The following AUTS2 variants were observed in gnomAD, a reference collection of about 807,000 sequenced individuals.
AUTS2 encodes activator of transcription and developmental regulator AUTS2, also known as autism susceptibility gene 2 protein.
AUTS2 carries 17 observed loss-of-function variants against 112.4 expected under a neutral mutation model. The observed-to-expected ratio is 0.15, with a 90% CI of 0.10 to 0.23. The LOEUF is 0.23. Among genes scored for constraint, AUTS2 ranks in the 10% least tolerant of loss-of-function variants. AUTS2 has a pLI of 1.00. For synonymous variants in AUTS2, 751 were observed against 702.7 expected, an observed-to-expected ratio of 1.07 and a Z score of -1.09; for missense variants, 1,510 against 1,701.6, an observed-to-expected ratio of 0.89 and a Z score of 1.98.
Position 69,886,763 on chromosome 7 carries a change from T to TTGTGTGTGTG in AUTS2, c.310-12485_310-12476dup, listed in dbSNP as rs3220664. Reference sequence around the variant, plus strand: ...GCCTGTTAATGCAGATTTGACTTCTTTGTGTGTGTGTGTGTGTGTGTGTGT... The same window carrying TTGTGTGTGTG: ...GCCTGTTAATGCAGATTTGACTTCTTTGTGTGTGTGTGTGTGTGTGTGTGTGTGTGTGTGT... On this transcript the variant is annotated intron_variant, in intron 1 of 18. Coordinates refer to ENST00000342771, the MANE Select transcript of AUTS2 (RefSeq NM_015570.4). Among the ~76,000 whole-genome samples the TTGTGTGTGTG allele has an allele frequency of 2.6e-3, 343 of 129,866 alleles. 3 individuals are homozygous for TTGTGTGTGTG. Among genetic ancestry groups the TTGTGTGTGTG allele is most frequent in the African/African-American group, 5.0e-3 (171 of 34,254 alleles). The allele number at this position is 129,866 out of a possible 152,430, so 85.2% of individuals were successfully genotyped here.
intron 2 of AUTS2, among the ~76,000 whole-genome samples, chr7:70,003,336 A>T (rs1799313513): frequency 7.7e-6 from 1 of 130,420 alleles, no homozygotes; most frequent in East Asian, 2.2e-4. Flanking sequence ...ATGAATATAT[A>T]ATATGTATGA....
At chr7:70,503,325 T>C (rs1230202151) in intron 5 of AUTS2, among the ~76,000 whole-genome samples, 2 of 152,034 alleles carry the variant, frequency 1.3e-5, no homozygotes, top group African/African-American at 4.8e-5. Context: ...TTACAAATTC[T>C]AAGTGTAGCA....
chr7:70,259,200 A>C (rs1787036554), intron 4 of AUTS2, among the ~76,000 whole-genome samples: 1 of 151,980 alleles, frequency 6.6e-6, no homozygotes, highest in Non-Finnish European at 1.5e-5. Context: ...GCTGTCACAG[A>C]GCCTTCCTTC....
intron 5 of AUTS2, among the ~76,000 whole-genome samples, chr7:70,582,696 T>G (rs770881098): frequency 3.3e-5 from 5 of 152,230 alleles, no homozygotes; most frequent in Admixed American, 1.3e-4. Context: ...TCATCGTTCT[T>G]AGTAGCTTTT....
intron 1 of AUTS2, among the ~76,000 whole-genome samples, chr7:69,609,108 C>G (rs542158800): frequency 1.3e-5 from 2 of 152,116 alleles, no homozygotes; most frequent in Admixed American, 6.6e-5. Flanking sequence ...AACAACAGCC[C>G]ACAGGGGTTA....
chr7:70,753,211 T>C (rs1401609562), intron 6 of AUTS2, among the ~76,000 whole-genome samples: 1 of 152,174 alleles, frequency 6.6e-6, no homozygotes, highest in African/African-American at 2.4e-5. Context: ...TCCACTGGAC[T>C]CCACACAGCT....
At chr7:70,525,841 C>T (rs2129496036) in intron 5 of AUTS2, among the ~76,000 whole-genome samples, 1 of 152,326 alleles carries the variant, frequency 6.6e-6, no homozygotes, top group East Asian at 1.9e-4. Context: ...ATGGGCACCT[C>T]CAGCCTTGGG....
At chr7:70,622,732 A>G (rs969027663) in intron 5 of AUTS2, among the ~76,000 whole-genome samples, 6 of 152,204 alleles carry the variant, frequency 3.9e-5, no homozygotes, top group Non-Finnish European at 7.3e-5. Context: ...TGCTCTTTCA[A>G]CTTAGGGAAA....
In AUTS2 at chr7:69,871,380, C is replaced by G. The variant is rs74620372; in HGVS notation, c.310-27906C>G. Among the ~76,000 whole-genome samples the G allele has an allele frequency of 2.3e-3, 352 of 152,264 alleles. 1 individual carries two copies. Among genetic ancestry groups the G allele is most frequent in the African/African-American group, 8.2e-3 (340 of 41,556 alleles). On this transcript the variant is annotated intron_variant, in intron 1 of 18. Coordinates refer to ENST00000342771, the MANE Select transcript of AUTS2 (RefSeq NM_015570.4). ...ATAACACACTTATAGGGTAGTCCCCCCTTTATCCATGGGGAATACATTCCA... is the reference window on the plus strand; with the variant it reads ...ATAACACACTTATAGGGTAGTCCCCGCTTTATCCATGGGGAATACATTCCA...
intron 1 of AUTS2, among the ~76,000 whole-genome samples, chr7:69,895,150 A>C (rs1794691713): frequency 6.6e-6 from 1 of 152,114 alleles, no homozygotes; most frequent in South Asian, 2.1e-4. Context: ...GCATGTAGTC[A>C]TGTACACAAC....
chr7:70,493,692 A>G (rs1207894346), intron 5 of AUTS2, among the ~76,000 whole-genome samples: 1 of 152,180 alleles, frequency 6.6e-6, no homozygotes, highest in East Asian at 1.9e-4. Flanking sequence ...GAATTCTAAT[A>G]TAGGAATTAG....
At chr7:69,742,370 C>T (rs976698272) in intron 1 of AUTS2, among the ~76,000 whole-genome samples, 1 of 152,014 alleles carries the variant, frequency 6.6e-6, no homozygotes, top group African/African-American at 2.4e-5. Context: ...ATTTTCTTCT[C>T]TTTGAGTCTT....
intron 5 of AUTS2, among the ~76,000 whole-genome samples, chr7:70,672,660 T>C (rs1807706402): frequency 6.6e-6 from 1 of 152,140 alleles, no homozygotes; most frequent in Non-Finnish European, 1.5e-5. Context: ...TGGAGTGTAA[T>C]GGCGCAATCT....
chr7:70,451,320 A>G (rs770236843), intron 5 of AUTS2, among the ~76,000 whole-genome samples: 3 of 152,218 alleles, frequency 2.0e-5, no homozygotes, highest in Non-Finnish European at 4.4e-5. Context: ...GTATCACTCA[A>G]TATACCCATG....
At chr7:69,654,146 T>C (rs1584015146) in intron 1 of AUTS2, among the ~76,000 whole-genome samples, 1 of 152,208 alleles carries the variant, frequency 6.6e-6, no homozygotes, top group South Asian at 2.1e-4. Context: ...TGTCACCATC[T>C]CTGCTTTTCT....
In AUTS2 at chr7:70,790,359, C is replaced by G; in HGVS notation, c.3143C>G (p.Pro1048Arg). 6.2e-7 allele frequency: 1 copy of G among 1,613,924 alleles called. No homozygotes were observed. The highest frequency in any genetic ancestry group is 8.5e-7 in the Non-Finnish European group (1 of 1,180,030). ...CTGGACAGGACTCGCATGATGACCCCCTTCATGGGCATCAGCCCCCTCCCG... is the reference window on the plus strand; with the variant it reads ...CTGGACAGGACTCGCATGATGACCCGCTTCATGGGCATCAGCCCCCTCCCG... ...SSLDRTRMMT[P>R]FMGISPLPGG... The change falls in exon 19 of 19, where the codon CCC (proline) becomes CGC (arginine). Residue 1048 changes from proline (P) to arginine (R), a missense_variant. By Grantham distance (103) the Pro-to-Arg change is moderately radical (BLOSUM62 -2). This residue lies in a region of AUTS2 where 788 missense variants were observed against 797.6 expected (regional missense o/e 0.99). Transcript: ENST00000342771. The surrounding 1 kb of genome is among the most constrained non-coding windows in gnomAD (Gnocchi z 7.6).
chr7:70,764,636 A>G, intron 7 of AUTS2, 116 bp from the exon 8 acceptor site: 2 of 636,732 alleles, frequency 3.1e-6, no homozygotes, highest in South Asian at 1.9e-5. Flanking sequence ...GTAAAGAGGA[A>G]GGGGCAAGAG....
Position 70,746,002 on chromosome 7 carries a change from G to A in AUTS2, c.743-16868G>A, listed in dbSNP as rs189822608. Among the ~76,000 whole-genome samples, 132 of 152,280 alleles carry A rather than the reference G, an allele frequency of 8.7e-4. No homozygotes were observed. The Middle Eastern group carries it at 0.02, about 24-fold the overall frequency. ...TTGCTTAGATTTTGTAAATTATTATGTGGTTAAAGAAATCAACGATTTATC... is the reference window on the plus strand; with the variant it reads ...TTGCTTAGATTTTGTAAATTATTATATGGTTAAAGAAATCAACGATTTATC... On this transcript the variant is annotated intron_variant, in intron 6 of 18. Transcript: ENST00000342771.
chr7:70,348,789 C>G (rs909946882), intron 4 of AUTS2, among the ~76,000 whole-genome samples: 1 of 152,030 alleles, frequency 6.6e-6, no homozygotes, highest in Non-Finnish European at 1.5e-5. Context: ...CCAGCCTGGG[C>G]GACAGAGCGA....
Sources: allele counts gnomAD v4.1 joint callset (sites outside exome capture counted in the v4.1 genomes callset), GRCh38; gene constraint gnomAD v4.1.1; regional missense constraint gnomAD v4.1.1; non-coding constraint Gnocchi (gnomAD v3.1); transcripts MANE v1.5; gene names NCBI Gene and HGNC (gene_info 2026-07-23, HGNC 2026-07-21).